Variants in ADAMTS3 observed in about 807,000 individuals in gnomAD.
The protein encoded by ADAMTS3 is ADAM metallopeptidase with thrombospondin type 1 motif 3.
A neutral mutation model predicts 129.0 loss-of-function variants in ADAMTS3; 73 were observed. The ratio of observed to expected loss-of-function variants is 0.57; its 90% CI spans 0.47 to 0.69. The LOEUF is 0.69. ADAMTS3 is among the 30% of genes least tolerant of loss of function. ADAMTS3 has a pLI of 0.00. For synonymous variants in ADAMTS3, 477 were observed against 510.8 expected (o/e 0.93, Z 0.89); for missense variants, 1,457 against 1,514.5 (o/e 0.96, Z 0.63).
At chr4:72,491,370 T>C (rs1213639413) in intron 3 of ADAMTS3, among the ~76,000 whole-genome samples, 1 of 151,816 alleles carries the variant, frequency 6.6e-6, no homozygotes, top group Non-Finnish European at 1.5e-5. Context: ...ATCTTTGTAT[T>C]GTTCAGTATC....
intron 16 of ADAMTS3, 66 bp downstream of exon 16, chr4:72,305,921 G>C: frequency 2.3e-6 from 3 of 1,302,174 alleles, no homozygotes; most frequent in Non-Finnish European, 3.3e-6. Flanking sequence ...TCTATATTTA[G>C]GATTTCTTTG....
At chr4:72,542,391 C>T (rs1209199336) in intron 3 of ADAMTS3, among the ~76,000 whole-genome samples, 1 of 152,098 alleles carries the variant, frequency 6.6e-6, no homozygotes, top group Non-Finnish European at 1.5e-5. Context: ...GTCTCGATCT[C>T]CTGACCTTGT....
chr4:72,391,911 G>C (rs1462987177), intron 4 of ADAMTS3, among the ~76,000 whole-genome samples: 1 of 152,148 alleles, frequency 6.6e-6, no homozygotes, highest in Non-Finnish European at 1.5e-5. Context: ...TTAAGATCCT[G>C]AAAACGCGTA....
At chr4:72,343,261 G>A (rs1006515964) in intron 4 of ADAMTS3, among the ~76,000 whole-genome samples, 1 of 152,114 alleles carries the variant, frequency 6.6e-6, no homozygotes, top group Non-Finnish European at 1.5e-5. Context: ...GGAAGATGGA[G>A]CTGCCATGTT....
At chr4:72,544,968 T>C (rs2109783468) in intron 3 of ADAMTS3, among the ~76,000 whole-genome samples, 1 of 152,228 alleles carries the variant, frequency 6.6e-6, no homozygotes, top group South Asian at 2.1e-4. Context: ...CAAATTGATG[T>C]ATATAAAAAG....
chr4:72,329,481 AG>A (rs1324086471), intron 5 of ADAMTS3, among the ~76,000 whole-genome samples: 2 of 152,220 alleles, frequency 1.3e-5, no homozygotes, highest in Non-Finnish European at 2.9e-5. Flanking sequence ...CTTTATAAAG[AG>A]ACTGAGACCA....
chr4:72,294,370 A>G (rs1218576623), intron 19 of ADAMTS3, among the ~76,000 whole-genome samples: 1 of 152,098 alleles, frequency 6.6e-6, no homozygotes, highest in Non-Finnish European at 1.5e-5. Flanking sequence ...CATGTTTTTG[A>G]GATCTACTGA....
At position 72,381,537 on chromosome 4, in the gene ADAMTS3, G is replaced by A. The variant is rs544314969; in HGVS notation, c.661+33278C>T. Among the ~76,000 whole-genome samples, 15 of 152,224 alleles carry A rather than the reference G, an allele frequency of 9.9e-5. 1 individual carries two copies. The South Asian group carries it at 3.1e-3, about 32-fold the overall frequency. On this transcript the variant is annotated intron_variant, in intron 4 of 21. Coordinates refer to ENST00000286657, the MANE Select transcript of ADAMTS3 (RefSeq NM_014243.3). ...CCCAGCATGTATGCCTGCTCCTAAC[G>A]TATTTCAACTTCTCTCTCAACTGAC... is the stretch of plus-strand genomic sequence containing the variant.
intron 4 of ADAMTS3, among the ~76,000 whole-genome samples, chr4:72,378,773 G>T (rs1322853074): frequency 6.6e-6 from 1 of 152,072 alleles, no homozygotes; most frequent in Non-Finnish European, 1.5e-5. Context: ...CTAATTTACA[G>T]TCTTGTAGGC....
At position 72,298,476 on chromosome 4, in the gene ADAMTS3, C is replaced by A. The variant is rs148285553; in HGVS notation, c.2425-34G>T. The A allele has an allele frequency of 6.9e-4, 1,015 of 1,476,950 alleles. 3 individuals are homozygous for A. The African/African-American group carries it at 0.011, about 16-fold the overall frequency. 91.5% of individuals were successfully genotyped at this position (1,476,950 alleles called of 1,614,324 possible). A position where few individuals can be genotyped will look rare whatever the true frequency, so the allele number is the denominator to read the frequency against. On this transcript the variant is annotated intron_variant, in intron 17 of 21. Coordinates refer to ENST00000286657, the MANE Select transcript of ADAMTS3 (RefSeq NM_014243.3). ...CACATGAAATCAATATGTAAATCAC[C>A]TGAGGGTTTTAAATTTTGAGTGTAA...
chr4:72,568,824 C>T lies in ADAMTS3; in HGVS notation c.-62G>A. 1 of 1,209,496 alleles carries T rather than the reference C, an allele frequency of 8.3e-7. No individual in the cohort carries two copies. The highest frequency in any genetic ancestry group is 1.2e-6 in the Non-Finnish European group (1 of 863,772). The allele number at this position is 1,209,496 out of a possible 1,614,324, so 74.9% of individuals were successfully genotyped here. A position where few individuals can be genotyped will look rare whatever the true frequency, so the allele number is the denominator to read the frequency against. ...CAAATGCCCAGAGCAAACCCACCCC[C>T]CCCGCCCAAAATAAGTTTCTTTAAG... On this transcript the variant is annotated 5_prime_UTR_variant, in exon 1 of 22. Transcript: ENST00000286657.
intron 4 of ADAMTS3, among the ~76,000 whole-genome samples, chr4:72,354,917 T>A (rs1251614584): frequency 6.6e-6 from 1 of 152,022 alleles, no homozygotes; most frequent in Non-Finnish European, 1.5e-5. Flanking sequence ...TTTCCTCATA[T>A]TCTGTCTTCT....
chr4:72,307,173 C>A (rs1477465089), intron 15 of ADAMTS3, among the ~76,000 whole-genome samples: 1 of 151,828 alleles, frequency 6.6e-6, no homozygotes, highest in African/African-American at 2.4e-5. Context: ...ATAATATACA[C>A]CTATGAATAG....
intron 10 of ADAMTS3, 28 bp downstream of exon 10, chr4:72,318,544 A>C (rs372539582): frequency 1.2e-6 from 2 of 1,607,594 alleles, no homozygotes; most frequent in African/African-American, 2.7e-5. Flanking sequence ...TCGAGCTGCA[A>C]AATCTACATC....
rs867660729 is a variant in ADAMTS3, at chr4:72,526,731, T to C, written c.504+21747A>G. The stretch of plus-strand genomic sequence containing the variant: ...TATAGAGACAGAAAAAATATATACA[T>C]ACATATATATATATATATATATATA... On this transcript the variant is annotated intron_variant, in intron 3 of 21. Coordinates refer to ENST00000286657, the MANE Select transcript of ADAMTS3 (RefSeq NM_014243.3). Among the ~76,000 whole-genome samples the C allele has an allele frequency of 9.6e-3, 350 of 36,630 alleles. 3 individuals carry two copies. The highest frequency in any genetic ancestry group is 0.039 in the African/African-American group (335 of 8,560). The allele number at this position is 36,630 out of a possible 152,430, so 24.0% of individuals were successfully genotyped here.
At position 72,498,899 on chromosome 4, in the gene ADAMTS3, C is replaced by A. The variant is rs193212017; in HGVS notation, c.504+49579G>T. 2.5e-3 allele frequency among the ~76,000 whole-genome samples: 384 copies of A among 152,224 alleles called. 4 individuals carry two copies. Among genetic ancestry groups the A allele is most frequent in the African/African-American group, 9.2e-3 (381 of 41,568 alleles). On this transcript the variant is annotated intron_variant, in intron 3 of 21. Coordinates refer to ENST00000286657, the MANE Select transcript of ADAMTS3 (RefSeq NM_014243.3). ...AGTCCATGCCTTTGAACTGATTACA[C>A]ATAATTCTTCCATCTCTGACACTAT...
chr4:72,500,378 T>C (rs931089083), intron 3 of ADAMTS3, among the ~76,000 whole-genome samples: 2 of 152,130 alleles, frequency 1.3e-5, no homozygotes, highest in Non-Finnish European at 2.9e-5. Context: ...ATTAGTGATA[T>C]TGAGCATTTT....
intron 3 of ADAMTS3, among the ~76,000 whole-genome samples, chr4:72,497,146 A>G (rs575270042): frequency 2.0e-5 from 3 of 152,132 alleles, no homozygotes; most frequent in Non-Finnish European, 4.4e-5. Flanking sequence ...ATAATCCACA[A>G]ATTTATGATG....
At chr4:72,474,187 C>A (rs1040191213) in intron 3 of ADAMTS3, among the ~76,000 whole-genome samples, 1 of 152,066 alleles carries the variant, frequency 6.6e-6, no homozygotes, top group Non-Finnish European at 1.5e-5. Flanking sequence ...TATCAAGAAC[C>A]TGGAAGATCT....
Sources: allele counts gnomAD v4.1 joint callset (sites outside exome capture counted in the v4.1 genomes callset), GRCh38; gene constraint gnomAD v4.1.1; transcripts MANE v1.5; gene names NCBI Gene and HGNC (gene_info 2026-07-23, HGNC 2026-07-21).